FRMD4A: variants seen among roughly 807,000 people sequenced by gnomAD.
FRMD4A encodes the protein FERM domain-containing protein 4A.
A neutral mutation model predicts 129.1 loss-of-function variants in FRMD4A; 29 were observed. The observed-to-expected ratio is 0.22, with a 90% confidence interval of 0.17 to 0.31. FRMD4A has a LOEUF of 0.31. Ranked by LOEUF, FRMD4A falls within the 10% of genes least tolerant of loss-of-function variation. The pLI is 1.00. For missense variants in FRMD4A, 1,272 were observed against 1,375.8 expected, an observed-to-expected ratio of 0.92 and a Z score of 1.19; for synonymous variants, 634 against 571.6, an observed-to-expected ratio of 1.11 and a Z score of -1.56.
chr10:13,893,644 C>A (rs922873296), intron 2 of FRMD4A, among the ~76,000 whole-genome samples: 1 of 152,136 alleles, frequency 6.6e-6, no homozygotes, highest in East Asian at 1.9e-4. Flanking sequence ...GCCTTAGCCT[C>A]CCGAGTAGCT....
At chr10:13,695,383 C>T (rs556469250) in intron 14 of FRMD4A, among the ~76,000 whole-genome samples, 22 of 152,262 alleles carry the variant, frequency 1.4e-4, no homozygotes, top group African/African-American at 2.9e-4. Context: ...TCAGGTGATC[C>T]GCCCGCTGCA....
chr10:13,971,531 C>G (rs2095518142), intron 2 of FRMD4A: 1 of 490,988 alleles, frequency 2.0e-6, no homozygotes, highest in South Asian at 1.8e-5. Flanking sequence ...GTTAACTGCT[C>G]CCTGTTAAAT....
chr10:14,302,834 T>C (rs1334558265), intron 2 of FRMD4A, among the ~76,000 whole-genome samples: 3 of 152,180 alleles, frequency 2.0e-5, no homozygotes, highest in Admixed American at 6.5e-5. Context: ...AAGAACATTG[T>C]CCACAGGGAC....
chr10:13,694,823 C>G (rs1057135207), intron 14 of FRMD4A, among the ~76,000 whole-genome samples: 3 of 139,844 alleles, frequency 2.1e-5, no homozygotes, highest in African/African-American at 5.2e-5. Context: ...GCCTGGGCAA[C>G]AAAGTGAGAC....
At chr10:14,179,051 G>A (rs759140643) in intron 2 of FRMD4A, among the ~76,000 whole-genome samples, 7 of 152,130 alleles carry the variant, frequency 4.6e-5, no homozygotes, top group Admixed American at 2.0e-4. Flanking sequence ...CTCTAGACTA[G>A]GAGCACTTGT....
At chr10:14,174,850 GA>G (rs1284805172) in intron 2 of FRMD4A, among the ~76,000 whole-genome samples, 1 of 150,136 alleles carries the variant, frequency 6.7e-6, no homozygotes, top group Admixed American at 6.6e-5. Context: ...CTGAATAGTT[GA>G]GTATTAAAAA....
At chr10:14,057,232 A>G (rs1241224838) in intron 2 of FRMD4A, among the ~76,000 whole-genome samples, 1 of 152,250 alleles carries the variant, frequency 6.6e-6, no homozygotes, top group Non-Finnish European at 1.5e-5. Context: ...GGCAACACAA[A>G]CAGAGAACAC....
At chr10:13,861,293 T>TG (rs1487636126) in intron 2 of FRMD4A, among the ~76,000 whole-genome samples, 3 of 152,240 alleles carry the variant, frequency 2.0e-5, no homozygotes, top group Non-Finnish European at 4.4e-5. Context: ...TCTTCTCTTC[T>TG]GGTTCAACAG....
rs1042277865 is a variant in FRMD4A, at chr10:13,657,328, G to C, written c.2261C>G (p.Ser754Trp). ...MDDCSSCTSH[S>W]SSEHYYPAQM... ...CGCCGGGTAGTAGTGCTCCGAGCTC[G>C]AGTGGCTGGTGCACGACGAGCAGTC... The change falls in exon 22 of 25, where the codon TCG becomes TGG. Residue 754 changes from serine (S) to tryptophan (W), a missense_variant. This residue lies in a region of FRMD4A where 972 missense variants were observed against 892.3 expected (regional missense o/e 1.09). Coordinates refer to ENST00000357447, the MANE Select transcript of FRMD4A (RefSeq NM_018027.5). The C allele has an allele frequency of 2.0e-5, 32 of 1,609,234 alleles. No homozygotes were observed. The highest frequency in any genetic ancestry group is 2.7e-5 in the Non-Finnish European group (32 of 1,179,078).
chr10:13,740,461 A>G (rs750579216), intron 10 of FRMD4A, 51 bp downstream of exon 10: 1 of 1,064,620 alleles, frequency 9.4e-7, no homozygotes, highest in Admixed American at 1.8e-5. Context: ...CATACGATAT[A>G]TTAACACACA....
At chr10:14,070,164 G>A (rs1204781823) in intron 2 of FRMD4A, among the ~76,000 whole-genome samples, 2 of 152,014 alleles carry the variant, frequency 1.3e-5, no homozygotes, top group African/African-American at 2.4e-5. Flanking sequence ...ACCTCTCTCT[G>A]AGTGCTATGA....
At chr10:13,739,831 G>A (rs1418542686) in intron 11 of FRMD4A, among the ~76,000 whole-genome samples, 1 of 152,234 alleles carries the variant, frequency 6.6e-6, no homozygotes, top group Non-Finnish European at 1.5e-5. Flanking sequence ...CAGGCGCGGT[G>A]GCTCACGCCT....
intron 20 of FRMD4A, 106 bp from the exon 21 acceptor site, chr10:13,659,596 C>T (rs1325791552): frequency 2.0e-5 from 23 of 1,143,058 alleles, no homozygotes; most frequent in Middle Eastern, 3.0e-4. Context: ...AAAGCTCGCC[C>T]GTGACTCCCA....
intron 2 of FRMD4A, among the ~76,000 whole-genome samples, chr10:14,171,671 A>G (rs190882639): frequency 2.6e-5 from 4 of 152,364 alleles, no homozygotes; most frequent in East Asian, 1.9e-4. Flanking sequence ...TTAAGCACCC[A>G]TGATTTAGAC....
chr10:14,151,712 A>G (rs984323324), intron 2 of FRMD4A, among the ~76,000 whole-genome samples: 1 of 152,172 alleles, frequency 6.6e-6, no homozygotes, highest in African/African-American at 2.4e-5. Context: ...TCCTTCCTGC[A>G]GCCCTTTCTG....
At chr10:14,174,102 G>T (rs562667203) in intron 2 of FRMD4A, among the ~76,000 whole-genome samples, 1 of 151,892 alleles carries the variant, frequency 6.6e-6, no homozygotes, top group African/African-American at 2.4e-5. Flanking sequence ...TCTGTGTGCC[G>T]TGCTTAAGCA....
At chr10:14,236,218 A>G (rs951191147) in intron 2 of FRMD4A, among the ~76,000 whole-genome samples, 1 of 152,250 alleles carries the variant, frequency 6.6e-6, no homozygotes, top group Non-Finnish European at 1.5e-5. Context: ...GCCCCTGTTT[A>G]TAGGTCTTTA....
chr10:13,827,528 G>A (rs559518695), intron 3 of FRMD4A, among the ~76,000 whole-genome samples: 1 of 152,306 alleles, frequency 6.6e-6, no homozygotes, highest in South Asian at 2.1e-4. Context: ...GCTTGGCACT[G>A]ACATTTTGTC....
At chr10:14,325,972 T>C (rs551903730) in intron 2 of FRMD4A, among the ~76,000 whole-genome samples, 181 of 152,348 alleles carry the variant, frequency 1.2e-3, no homozygotes, top group African/African-American at 4.1e-3. Flanking sequence ...TCTTCATTCA[T>C]TGTGGTTAAT....
Sources: gnomAD v4.1 joint callset for allele counts (sites outside exome capture counted in the v4.1 genomes callset) on GRCh38, gnomAD v4.1.1 for gene constraint, gnomAD v4.1.1 regional missense constraint, MANE v1.5 for transcripts, NCBI Gene and HGNC (gene_info 2026-07-23, HGNC 2026-07-21) for gene names.